SMARCC2: variants seen among roughly 807,000 people sequenced by gnomAD.
SMARCC2 encodes SWI/SNF complex subunit SMARCC2.
SMARCC2 carries 15 observed loss-of-function variants against 151.3 expected under a neutral mutation model. The observed-to-expected ratio is 0.10, with a 90% CI of 0.07 to 0.15. The LOEUF (loss-of-function observed/expected upper bound fraction) is 0.15. Ranked by LOEUF, SMARCC2 falls within the 10% of genes least tolerant of loss-of-function variation. SMARCC2 has a pLI of 1.00. For missense variants in SMARCC2, 1,031 were observed against 1,599.7 expected (o/e 0.64, Z 6.06); for synonymous variants, 590 against 609.5 (o/e 0.97, Z 0.47).
chr12:56,187,970 T>C (rs1272567600), intron 1 of SMARCC2, among the ~76,000 whole-genome samples: 1 of 152,216 alleles, frequency 6.6e-6, no homozygotes, highest in African/African-American at 2.4e-5. Context: ...TTCCACACTC[T>C]GCTACCTAGT....
chr12:56,183,809 G>T, intron 7 of SMARCC2, 52 bp downstream of exon 7: 1 of 1,268,572 alleles, frequency 7.9e-7, no homozygotes. Context: ...ATGTCCTAGG[G>T]CTTCTGGGTC....
rs367603562 is a variant in SMARCC2 at position 56,178,873 on chromosome 12, G to C, written c.1142-26C>G. ...CTGAAAGAGAAAAACCAAGATGTAA[G>C]GCTGGAGCCTCCTGAGGGGCAAGAA... On this transcript the variant is annotated intron_variant, in intron 12 of 28. Coordinates refer to ENST00000550164, the MANE Select transcript of SMARCC2 (RefSeq NM_001330288.2). The C allele has an allele frequency of 1.2e-5, 19 of 1,613,490 alleles. No individual in the cohort carries two copies. The African/African-American group carries it at 2.1e-4, about 18-fold the overall frequency.
rs74957338 is a variant in SMARCC2 at position 56,178,532 on chromosome 12, A to T, written c.1182T>A (p.Asp394Glu). Reference protein sequence around the residue: ...EDESMETTGKDEDENSTGNKG... With the variant: ...EDESMETTGKEEDENSTGNKG... Reference sequence around the variant, plus strand: ...TGTTCCCCGTACTGTTCTCATCCTCATCCTACGAGTATGGAGGCTGCTGGA... The same window carrying T: ...TGTTCCCCGTACTGTTCTCATCCTCTTCCTACGAGTATGGAGGCTGCTGGA... The change falls in exon 14 of 29, where the codon GAT (aspartate) becomes GAA (glutamate). Residue 394 changes from aspartate to glutamate, a missense_variant and splice_region_variant. Around this residue, in one of 12 missense-constraint regions of SMARCC2, gnomAD observed 127 missense variants for 141.7 expected, o/e 0.90. Coordinates refer to ENST00000550164, the MANE Select transcript of SMARCC2 (RefSeq NM_001330288.2). 6.2e-7 allele frequency: 1 copy of T among 1,614,156 alleles called. No homozygotes were observed. Among genetic ancestry groups the T allele is most frequent in the African/African-American group, 1.3e-5 (1 of 75,028 alleles).
intron 15 of SMARCC2, among the ~76,000 whole-genome samples, chr12:56,176,807 ATTTT>A (rs1177674476): frequency 7.5e-6 from 1 of 133,770 alleles, no homozygotes; most frequent in Non-Finnish European, 1.6e-5. Context: ...CGCCCGGCTA[ATTTT>A]TTTTGTTTTT....
Position 56,162,682 on chromosome 12 carries a change from A to G in SMARCC2, c.*1007T>C. 4.6e-6 allele frequency: 1 copy of G among 218,150 alleles called. No individual in the cohort carries two copies. The highest frequency in any genetic ancestry group is 9.9e-5 in the East Asian group (1 of 10,126). The allele number at this position is 218,150 out of a possible 1,614,324, so 13.5% of individuals were successfully genotyped here. ...ACTGCTCCCAAATCCCTGCATCCTC[A>G]TCTGGGGAGCCCCCAGCTATCAGCT... On this transcript the variant is annotated 3_prime_UTR_variant, in exon 29 of 29. Transcript: ENST00000550164.
rs772622775 is a variant in SMARCC2, at chr12:56,169,675, CCTT to C, written c.2566_2568del (p.Lys856del). On this transcript the variant is annotated inframe_deletion, in exon 25 of 29. Coordinates refer to ENST00000550164, the MANE Select transcript of SMARCC2 (RefSeq NM_001330288.2). Reference sequence around the variant, plus strand: ...ACTTCCTCCTGCCCTTCCTTTGGCTCCTTCTCCTTCTCAGGATCGACTGGGCCA... The same window carrying C: ...ACTTCCTCCTGCCCTTCCTTTGGCTCCTCCTTCTCAGGATCGACTGGGCCA... 2.1e-5 allele frequency: 34 copies of C among 1,614,152 alleles called. No homozygotes were observed. The East Asian group carries it at 3.1e-4, about 15-fold the overall frequency.
At chr12:56,183,969 A>AG (rs767281672) in intron 6 of SMARCC2, 39 bp from the exon 7 acceptor site, 2 of 1,472,706 alleles carry the variant, frequency 1.4e-6, no homozygotes, top group Admixed American at 3.4e-5. Flanking sequence ...TATAAGCTAA[A>AG]GGGGGACACA....
intron 16 of SMARCC2, 71 bp from the exon 17 acceptor site, chr12:56,173,920 G>A: frequency 2.1e-6 from 3 of 1,426,514 alleles, no homozygotes; most frequent in East Asian, 2.4e-5. Context: ...GGAAAAGTGG[G>A]GGGTAGAAGG....
Position 56,174,694 on chromosome 12 carries a change from C to T in SMARCC2, c.1453G>A (p.Ala485Thr). Residue 485 changes from alanine to threonine, a missense_variant, in exon 16 of 29, where the codon GCC (alanine) becomes ACC (threonine). By Grantham distance (58) the Ala-to-Thr change is moderately conservative. Around this residue, in one of 12 missense-constraint regions of SMARCC2, gnomAD observed 51 missense variants for 135.1 expected, o/e 0.38. Coordinates refer to ENST00000550164, the MANE Select transcript of SMARCC2 (RefSeq NM_001330288.2). The stretch of plus-strand genomic sequence containing the variant: ...TCACCCGCTAGGTTTCGGCGGCAGG[C>T]GGTAGAGGTAAGATACTCTTGGGGG... ...LNPQEYLTST[A>T]CRRNLAGDVC... The T allele has an allele frequency of 6.2e-7, 1 of 1,613,898 alleles. No homozygotes were observed. Among genetic ancestry groups the T allele is most frequent in the Non-Finnish European group, 8.5e-7 (1 of 1,179,930 alleles).
At chr12:56,173,918 G>T (rs997600463) in intron 16 of SMARCC2, 69 bp from the exon 17 acceptor site, 18 of 1,471,926 alleles carry the variant, frequency 1.2e-5, no homozygotes, top group Admixed American at 3.7e-5. Flanking sequence ...GAGGAAAAGT[G>T]GGGGGTAGAA....
chr12:56,170,040 C>A, intron 23 of SMARCC2, 104 bp downstream of exon 23: 1 of 1,437,142 alleles, frequency 7.0e-7, no homozygotes, highest in East Asian at 2.3e-5. Flanking sequence ...AGGAGACAAC[C>A]CCGTCCAAAA....
intron 10 of SMARCC2, 78 bp from the exon 11 acceptor site, chr12:56,181,179 G>A: frequency 1.4e-6 from 2 of 1,436,128 alleles, no homozygotes; most frequent in African/African-American, 1.4e-5. Context: ...TCAAGGGAAG[G>A]GAAGTGACAG....
At chr12:56,184,792 C>T (rs2135749147) in intron 5 of SMARCC2, 52 bp downstream of exon 5, 14 of 1,111,582 alleles carry the variant, frequency 1.3e-5, no homozygotes, top group Non-Finnish European at 1.7e-5. Context: ...ATAGAAAACA[C>T]TGGGAAAACA....
At position 56,174,728 on chromosome 12, in the gene SMARCC2, G is replaced by A. The variant is rs758682981; in HGVS notation, c.1419C>T (p.Tyr473=). 4 of 1,613,864 alleles carry A rather than the reference G, an allele frequency of 2.5e-6. No individual in the cohort carries two copies. The change falls in exon 16 of 29, where the codon TAC becomes TAT. Residue 473 remains tyrosine (Y), a synonymous_variant. Transcript: ENST00000550164. The stretch of plus-strand genomic sequence containing the variant: ...TAAGATACTCTTGGGGGTTCAGTCG[G>A]TAAGTGTCAATCATAAAGTTTCGAT... ...LAYRNFMIDT[Y]RLNPQEYLTS...
At chr12:56,176,808 TTTTTTTTGTTTTTG>T (rs1253998108) in intron 15 of SMARCC2, among the ~76,000 whole-genome samples, 4 of 151,198 alleles carry the variant, frequency 2.6e-5, no homozygotes, top group Non-Finnish European at 3.0e-5. Context: ...GCCCGGCTAA[TTTTTTTTGTTTTTG>T]TTTTTTTGTT....
Position 56,184,158 on chromosome 12 carries a change from G to A in SMARCC2, c.562+17C>T, listed in dbSNP as rs747368461. 1.2e-6 allele frequency: 2 copies of A among 1,602,696 alleles called. No individual in the cohort carries two copies. The highest frequency in any genetic ancestry group is 1.7e-6 in the Non-Finnish European group (2 of 1,170,048). On this transcript the variant is annotated intron_variant, in intron 6 of 28. Transcript: ENST00000550164. ...CCAAACCATCCACTCAAGTGGACAG[G>A]AAAACCCAGGTCTCACCTTCTTCTA...
chr12:56,167,865 C>T (rs1195836692), intron 26 of SMARCC2, among the ~76,000 whole-genome samples, 195 bp downstream of exon 26: 1 of 150,244 alleles, frequency 6.7e-6, no homozygotes, highest in Non-Finnish European at 1.5e-5. Context: ...CAGGCTTTCC[C>T]CACTGTTGCT....
At position 56,172,678 on chromosome 12, in the gene SMARCC2, G is replaced by T; in HGVS notation, c.1770C>A (p.Leu590=). 6.2e-7 allele frequency: 1 copy of T among 1,614,190 alleles called. No individual in the cohort carries two copies. Among genetic ancestry groups the T allele is most frequent in the Admixed American group, 1.7e-5 (1 of 60,032 alleles). The change falls in exon 19 of 29, where the codon CTC becomes CTA. Residue 590 remains leucine, a synonymous_variant. Coordinates refer to ENST00000550164, the MANE Select transcript of SMARCC2 (RefSeq NM_001330288.2). ...ELQTSASQQM[L]NFPDKGKEKP... ...TCTCTTTGCCTTTGTCAGGAAAGTT[G>T]AGCATTTGTTGGGAAGCAGAGGTCT...
intron 18 of SMARCC2, 67 bp downstream of exon 18, chr12:56,172,870 T>G: frequency 6.3e-7 from 1 of 1,586,798 alleles, no homozygotes; most frequent in Admixed American, 1.7e-5. Flanking sequence ...ATGTCTCTTC[T>G]TCCCGGGCAG....
Sources: gnomAD v4.1 joint callset for allele counts (sites outside exome capture counted in the v4.1 genomes callset) on GRCh38, gnomAD v4.1.1 for gene constraint, gnomAD v4.1.1 regional missense constraint, MANE v1.5 for transcripts, NCBI Gene and HGNC (gene_info 2026-07-23, HGNC 2026-07-21) for gene names.